The following ACACA variants were observed in gnomAD, a reference collection of about 807,000 sequenced individuals.
ACACA encodes acetyl-CoA carboxylase 1.
ACACA carries 103 observed loss-of-function variants against 296.1 expected under a neutral mutation model. The ratio of observed to expected loss-of-function variants is 0.35; its 90% confidence interval spans 0.30 to 0.41. The LOEUF is 0.41. Ranked by LOEUF, ACACA falls within the 10% of genes least tolerant of loss-of-function variation. The probability of loss-of-function intolerance (pLI) is 1.00; values close to 1 mark genes in which losing one functional copy is unlikely to be tolerated. For missense variants in ACACA, 1,554 were observed against 2,989.7 expected (o/e 0.52, Z 11.20); for synonymous variants, 953 against 1,038.6 (o/e 0.92, Z 1.58).
chr17:37,333,620 CACCAA>C (rs1030227196), intron 2 of ACACA, among the ~76,000 whole-genome samples: 14 of 151,864 alleles, frequency 9.2e-5, no homozygotes, highest in Admixed American at 8.5e-4. Flanking sequence ...TAAAACCCTT[CACCAA>C]ACCCTTCACT....
At chr17:37,265,605 G>A (rs1203961486) in intron 10 of ACACA, among the ~76,000 whole-genome samples, 2 of 152,170 alleles carry the variant, frequency 1.3e-5, no homozygotes, top group Non-Finnish European at 2.9e-5. Flanking sequence ...TGTTCAAAGA[G>A]GAGGAAATAG....
At chr17:37,259,810 T>A (rs903733910) in intron 11 of ACACA, among the ~76,000 whole-genome samples, 1 of 151,924 alleles carries the variant, frequency 6.6e-6, no homozygotes, top group African/African-American at 2.4e-5. Context: ...GACAGACTCT[T>A]GTCCAGTTTC....
chr17:37,336,353 G>T (rs1036893410), intron 2 of ACACA, among the ~76,000 whole-genome samples: 31 of 152,252 alleles, frequency 2.0e-4, no homozygotes, highest in Admixed American at 8.5e-4. Flanking sequence ...TGAGAGGGGG[G>T]ACTGAGAGAC....
intron 21 of ACACA, 144 bp downstream of exon 21, chr17:37,244,444 A>G: frequency 1.1e-6 from 1 of 922,482 alleles, no homozygotes; most frequent in Non-Finnish European, 1.7e-6. Context: ...TAAAGACCTC[A>G]AGTCCCACAA....
chr17:37,397,040 C>G (rs1163451733), intron 1 of ACACA, among the ~76,000 whole-genome samples: 5 of 151,824 alleles, frequency 3.3e-5, no homozygotes, highest in Non-Finnish European at 7.4e-5. Context: ...CTCCCCCATC[C>G]CCCCACCCCA....
At chr17:37,213,039 C>T (rs141494238) in intron 29 of ACACA, among the ~76,000 whole-genome samples, 6 of 151,990 alleles carry the variant, frequency 3.9e-5, no homozygotes, top group East Asian at 1.9e-4. Flanking sequence ...CAAATTAGGC[C>T]GGGCGCAGTG....
intron 52 of ACACA, among the ~76,000 whole-genome samples, chr17:37,110,211 C>T (rs1014027993): frequency 2.6e-5 from 4 of 152,202 alleles, no homozygotes; most frequent in African/African-American, 9.6e-5. Flanking sequence ...TTGGGGGATG[C>T]TGGGAGCAAT....
intron 26 of ACACA, 102 bp from the exon 27 acceptor site, chr17:37,225,207 G>C (rs2079487998): frequency 2.7e-6 from 2 of 744,890 alleles, no homozygotes; most frequent in African/African-American, 1.7e-5. Flanking sequence ...AAATCTGTAA[G>C]TGCAGGCATC....
In ACACA at chr17:37,240,467, GA is replaced by G; in HGVS notation, c.3121+8del. ...TTCTTAGCTAGAGAGTCCTCAGGAAGAGGCTTACCATTCTGGAATTGTGTCT... is the reference window on the plus strand; with the variant it reads ...TTCTTAGCTAGAGAGTCCTCAGGAAGGGCTTACCATTCTGGAATTGTGTCT... On this transcript the variant is annotated splice_region_variant and intron_variant, in intron 24 of 55. Transcript: ENST00000616317. 1 of 1,612,820 alleles carries G rather than the reference GA, an allele frequency of 6.2e-7. No individual in the cohort carries two copies. The highest frequency in any genetic ancestry group is 8.5e-7 in the Non-Finnish European group (1 of 1,179,520).
chr17:37,213,224 A>G (rs2078834247), intron 29 of ACACA, among the ~76,000 whole-genome samples: 1 of 151,786 alleles, frequency 6.6e-6, no homozygotes, highest in Non-Finnish European at 1.5e-5. Flanking sequence ...GGTGGCACAC[A>G]GTACACCTGT....
At chr17:37,350,556 C>T (rs1267885755) in intron 1 of ACACA, among the ~76,000 whole-genome samples, 1 of 152,000 alleles carries the variant, frequency 6.6e-6, no homozygotes, top group Non-Finnish European at 1.5e-5. Context: ...AAATGTGTTT[C>T]GGGCTGGGCG....
intron 3 of ACACA, among the ~76,000 whole-genome samples, chr17:37,304,967 T>A (rs973920242): frequency 6.6e-6 from 1 of 152,148 alleles, no homozygotes; most frequent in East Asian, 1.9e-4. Flanking sequence ...AATATGTTTT[T>A]AAAAATTATT....
chr17:37,103,470 C>G (rs1010106399), intron 52 of ACACA, among the ~76,000 whole-genome samples: 2 of 152,170 alleles, frequency 1.3e-5, no homozygotes, highest in Non-Finnish European at 2.9e-5. Context: ...TGCAGGGCCT[C>G]AGGGATTTTA....
intron 41 of ACACA, among the ~76,000 whole-genome samples, chr17:37,165,517 G>A (rs907558183): frequency 6.6e-6 from 1 of 151,946 alleles, no homozygotes; most frequent in Non-Finnish European, 1.5e-5. Flanking sequence ...TAACTTCTAC[G>A]TAAAAAACTT....
chr17:37,352,246 G>A (rs1025662481), intron 1 of ACACA, among the ~76,000 whole-genome samples: 3 of 152,040 alleles, frequency 2.0e-5, no homozygotes, highest in East Asian at 1.9e-4. Context: ...GAATTGCAAC[G>A]AATATTTGAG....
intron 11 of ACACA, 93 bp from the exon 12 acceptor site, chr17:37,259,623 A>G (rs2081356440): frequency 2.9e-6 from 4 of 1,368,370 alleles, no homozygotes; most frequent in Non-Finnish European, 3.1e-6. Flanking sequence ...TTCAGTGTGT[A>G]TAAGAGCCAT....
chr17:37,341,062 C>A (rs899051596), intron 1 of ACACA, among the ~76,000 whole-genome samples: 1 of 151,966 alleles, frequency 6.6e-6, no homozygotes, highest in African/African-American at 2.4e-5. Context: ...CATAGCAAGA[C>A]CCCCATCTCA....
At chr17:37,264,487 G>T (rs1010447733) in intron 10 of ACACA, among the ~76,000 whole-genome samples, 16 of 152,078 alleles carry the variant, frequency 1.1e-4, no homozygotes, top group African/African-American at 3.9e-4. Context: ...TTCCTCAGCT[G>T]GTTTAAGATT....
At chr17:37,182,128 G>A (rs921338106) in intron 39 of ACACA, among the ~76,000 whole-genome samples, 2 of 151,940 alleles carry the variant, frequency 1.3e-5, no homozygotes, top group African/African-American at 4.8e-5. Flanking sequence ...CAGAAGGCCA[G>A]ATCAAGACTC....
Sources: gnomAD v4.1 joint callset for allele counts (sites outside exome capture counted in the v4.1 genomes callset) on GRCh38, gnomAD v4.1.1 for gene constraint, MANE v1.5 for transcripts, NCBI Gene and HGNC (gene_info 2026-07-23, HGNC 2026-07-21) for gene names.